The following MTOR variants were observed in gnomAD, a reference collection of about 807,000 sequenced individuals.
The protein encoded by MTOR is serine/threonine-protein kinase mTOR.
Under a neutral mutation model 319.8 loss-of-function variants are expected in MTOR, and 70 were observed. The observed-to-expected ratio is 0.22, with a 90% CI of 0.18 to 0.27. MTOR has a LOEUF of 0.27. Among genes scored for constraint, MTOR ranks in the 10% least tolerant of loss-of-function variants. The probability of loss-of-function intolerance (pLI) is 1.00; values close to 1 mark genes in which losing one functional copy is unlikely to be tolerated. For synonymous variants in MTOR, 1,183 were observed against 1,211.4 expected, an observed-to-expected ratio of 0.98 and a Z score of 0.49; for missense variants, 1,890 against 3,274.4, an observed-to-expected ratio of 0.58 and a Z score of 10.32.
chr1:11,177,571 A>G (rs771662513), intron 28 of MTOR, among the ~76,000 whole-genome samples: 14 of 152,106 alleles, frequency 9.2e-5, no homozygotes, highest in Admixed American at 2.0e-4. Context: ...AAACAAAACA[A>G]AAGATTCCTG....
chr1:11,193,172 C>T (rs1381986134), intron 28 of MTOR, among the ~76,000 whole-genome samples: 1 of 151,802 alleles, frequency 6.6e-6, no homozygotes. Context: ...CAAAAATTAG[C>T]CCAGTGTGGT....
chr1:11,234,138 G>A lies in MTOR; in HGVS notation c.2331+5C>T, dbSNP rs2100881314. The A allele has an allele frequency of 6.2e-7, 1 of 1,614,144 alleles. No homozygotes were observed. The highest frequency in any genetic ancestry group is 8.5e-7 in the Non-Finnish European group (1 of 1,180,010). On this transcript the variant is annotated splice_donor_5th_base_variant and intron_variant, in intron 14 of 57. Transcript: ENST00000361445. Reference sequence around the variant, plus strand: ...AGAAAGCACCAGCCTCTCGGTTTGTGTTACCTTCAGAATAGGCTCCATGTA... The same window carrying A: ...AGAAAGCACCAGCCTCTCGGTTTGTATTACCTTCAGAATAGGCTCCATGTA...
At chr1:11,137,800 T>G (rs1643499639) in intron 36 of MTOR, among the ~76,000 whole-genome samples, 1 of 152,208 alleles carries the variant, frequency 6.6e-6, no homozygotes, top group East Asian at 1.9e-4. Context: ...CCTGATGCCT[T>G]CCAGGATAAC....
chr1:11,207,022 G>A (rs58791678), intron 25 of MTOR, among the ~76,000 whole-genome samples: 9,020 of 152,262 alleles, frequency 0.059, 382 homozygotes, highest in South Asian at 0.12. Flanking sequence ...ACTGATAAAT[G>A]CACCAATCCC....
chr1:11,225,898 A>G (rs1646820071), intron 19 of MTOR, among the ~76,000 whole-genome samples: 1 of 152,232 alleles, frequency 6.6e-6, no homozygotes, highest in South Asian at 2.1e-4. Flanking sequence ...GCTTCCTAAA[A>G]AAAAGTAGCC....
At chr1:11,240,729 T>C (rs2100911246) in intron 10 of MTOR, among the ~76,000 whole-genome samples, 182 bp from the exon 11 acceptor site, 1 of 152,280 alleles carries the variant, frequency 6.6e-6, no homozygotes, top group East Asian at 1.9e-4. Flanking sequence ...CTCCAAACAA[T>C]CTATGAGTTT....
At chr1:11,136,846 T>C (rs1170218549) in intron 36 of MTOR, among the ~76,000 whole-genome samples, 4 of 139,130 alleles carry the variant, frequency 2.9e-5, no homozygotes, top group Admixed American at 7.8e-5. Context: ...TAAATCTGAT[T>C]TTTTTTTTTT....
In MTOR at chr1:11,108,217, G is replaced by A. The variant is rs1248306144; in HGVS notation, c.7598C>T (p.Thr2533Ile). The change falls in exon 57 of 58, where the codon ACA (threonine) becomes ATA (isoleucine). Residue 2533 changes from threonine (T) to isoleucine (I), a missense_variant. Physicochemically the swap from Thr to Ile is moderately conservative, Grantham distance 89. Coordinates refer to ENST00000361445, the MANE Select transcript of MTOR (RefSeq NM_004958.4). ...TQVELLIKQA[T>I]SHENLCQCYI... Reference sequence around the variant, plus strand: ...GCACTGGCAGAGGTTTTCATGGGATGTCGCTTGTTTGATGAGCAGCTCAAC... The same window carrying A: ...GCACTGGCAGAGGTTTTCATGGGATATCGCTTGTTTGATGAGCAGCTCAAC... 6.2e-7 allele frequency: 1 copy of A among 1,613,896 alleles called. No individual in the cohort carries two copies. The highest frequency in any genetic ancestry group is 8.5e-7 in the Non-Finnish European group (1 of 1,179,826).
Position 11,204,590 on chromosome 1 carries a change from G to A in MTOR, c.3915C>T (p.Ala1305=). 6.2e-7 allele frequency: 1 copy of A among 1,614,112 alleles called. No homozygotes were observed. Reference sequence around the variant, plus strand: ...CCATCGGGTTGTAGGCCTGTGCCAGGGCCCAGCAGGAGCGCAGGGAGGGCG... The same window carrying A: ...CCATCGGGTTGTAGGCCTGTGCCAGAGCCCAGCAGGAGCGCAGGGAGGGCG... The part of the protein sequence containing the change: ...SSSPSLRSCW[A]LAQAYNPMAR... Residue 1305 remains alanine (A), a synonymous_variant, in exon 26 of 58, where the codon GCC becomes GCT. Transcript: ENST00000361445.
intron 30 of MTOR, 132 bp downstream of exon 30, chr1:11,157,020 T>G: frequency 1.7e-6 from 2 of 1,178,486 alleles, no homozygotes; most frequent in African/African-American, 1.5e-5. Flanking sequence ...AGATGATTCC[T>G]GAGAAGTATC....
In MTOR at chr1:11,256,180, G is replaced by A. The variant is rs748631718; in HGVS notation, c.517C>T (p.Arg173Cys). The A allele has an allele frequency of 6.2e-6, 10 of 1,613,626 alleles. No individual in the cohort carries two copies. The highest frequency in any genetic ancestry group is 2.2e-5 in the South Asian group (2 of 91,012). Residue 173 changes from arginine (R) to cysteine (C), a missense_variant, in exon 5 of 58, where the codon CGT becomes TGT. This residue lies in a region of MTOR where 81 missense variants were observed against 203.6 expected (regional missense o/e 0.40). Coordinates refer to ENST00000361445, the MANE Select transcript of MTOR (RefSeq NM_004958.4). ...GTAGGGACGCTGATGGCCAGCTCAC[G>A]GAGAACCAGGACCTGGAGAAAAAAG... ...GRRHAAVLVLRELAISVPTFF... is the reference protein window; with the variant it reads ...GRRHAAVLVLCELAISVPTFF...
At chr1:11,188,310 G>A (rs1321918442) in intron 28 of MTOR, among the ~76,000 whole-genome samples, 1 of 152,176 alleles carries the variant, frequency 6.6e-6, no homozygotes, top group Admixed American at 6.5e-5. Context: ...CTTTTCAAAA[G>A]AGCATTGTCC....
Position 11,128,350 on chromosome 1 carries a change from C to T in MTOR, c.5910+104G>A. ...CAGACCCTCCTGGGCCAGGATGGAA[C>T]ACATGGCTCCCAGTTCCTGCGCTTG... On this transcript the variant is annotated intron_variant, in intron 42 of 57. Coordinates refer to ENST00000361445, the MANE Select transcript of MTOR (RefSeq NM_004958.4). This position sits in a 1 kb window ranked among gnomAD's most constrained non-coding sequence, Gnocchi z 5.3. 3.0e-6 allele frequency: 4 copies of T among 1,312,806 alleles called. No individual in the cohort carries two copies. Among genetic ancestry groups the T allele is most frequent in the Non-Finnish European group, 4.3e-6 (4 of 924,522 alleles). 81.3% of individuals were successfully genotyped at this position (1,312,806 alleles called of 1,614,324 possible).
intron 19 of MTOR, among the ~76,000 whole-genome samples, chr1:11,222,650 G>T (rs1198854182): frequency 6.6e-6 from 1 of 152,000 alleles, no homozygotes; most frequent in Non-Finnish European, 1.5e-5. Context: ...TATTTCTAAA[G>T]AACTTTCTAG....
chr1:11,172,208 G>A (rs1644837030), intron 28 of MTOR, among the ~76,000 whole-genome samples: 1 of 152,116 alleles, frequency 6.6e-6, no homozygotes, highest in African/African-American at 2.4e-5. Flanking sequence ...ACTTGGGGGT[G>A]CACCTTGGGA....
Position 11,115,010 on chromosome 1 carries a change from C to T in MTOR, c.7090-123G>A. The T allele has an allele frequency of 1.3e-6, 1 of 790,180 alleles. No individual in the cohort carries two copies. The highest frequency in any genetic ancestry group is 2.3e-5 in the Admixed American group (1 of 44,104). The allele number at this position is 790,180 out of a possible 1,614,324, so 48.9% of individuals were successfully genotyped here. ...TTTTAATTATAGCAGGGAAAGGAAGCAGCTTGGGTTTAGTGAGAGGACTTG... is the reference window on the plus strand; with the variant it reads ...TTTTAATTATAGCAGGGAAAGGAAGTAGCTTGGGTTTAGTGAGAGGACTTG... On this transcript the variant is annotated intron_variant, in intron 51 of 57. Coordinates refer to ENST00000361445, the MANE Select transcript of MTOR (RefSeq NM_004958.4). The surrounding 1 kb of genome is among the most constrained non-coding windows in gnomAD (Gnocchi z 4.5).
chr1:11,197,076 T>C (rs933305306), intron 28 of MTOR, among the ~76,000 whole-genome samples: 2 of 152,066 alleles, frequency 1.3e-5, no homozygotes, highest in African/African-American at 4.8e-5. Flanking sequence ...ACAGGTAAGA[T>C]GTCTGGAATT....
intron 38 of MTOR, 117 bp from the exon 39 acceptor site, chr1:11,130,894 A>C (rs1481064290): frequency 7.6e-7 from 1 of 1,322,208 alleles, no homozygotes; most frequent in African/African-American, 1.5e-5. Flanking sequence ...GTGTCCATAA[A>C]GCAAACACTT....
intron 28 of MTOR, among the ~76,000 whole-genome samples, chr1:11,180,118 T>C (rs1177315002): frequency 6.6e-6 from 1 of 152,164 alleles, no homozygotes; most frequent in Non-Finnish European, 1.5e-5. Context: ...TTACCCAGGC[T>C]GGTCTTGAAC....
Sources: gnomAD v4.1 joint callset for allele counts (sites outside exome capture counted in the v4.1 genomes callset) on GRCh38, gnomAD v4.1.1 for gene constraint, gnomAD v4.1.1 regional missense constraint, Gnocchi (gnomAD v3.1) non-coding constraint, MANE v1.5 for transcripts, NCBI Gene and HGNC (gene_info 2026-07-23, HGNC 2026-07-21) for gene names.